Variants in NRXN3 observed in about 807,000 individuals in gnomAD.
NRXN3 encodes the protein neurexin III.
NRXN3 carries 32 observed loss-of-function variants against 137.6 expected under a neutral mutation model. The ratio of observed to expected loss-of-function variants is 0.23; its 90% CI spans 0.18 to 0.31. The LOEUF is 0.31. NRXN3 is among the 10% of genes least tolerant of loss of function. NRXN3 has a pLI of 1.00. For missense variants in NRXN3, 1,574 were observed against 2,062.5 expected, an observed-to-expected ratio of 0.76 and a Z score of 4.59; for synonymous variants, 798 against 784.5, an observed-to-expected ratio of 1.02 and a Z score of -0.29.
Position 79,063,362 on chromosome 14 carries a change from C to T in NRXN3, c.3262+75221C>T, listed in dbSNP as rs560319128. Among the ~76,000 whole-genome samples the T allele has an allele frequency of 3.3e-5, 5 of 152,300 alleles. No individual in the cohort carries two copies. The East Asian group carries it at 9.7e-4, about 29-fold the overall frequency. On this transcript the variant is annotated intron_variant, in intron 15 of 20. Transcript: ENST00000335750. Reference sequence around the variant, plus strand: ...CCAATGGCATGATCTTGGCTCACTGCAACCTCTGCCTCCCGGGTTCAAGCT... The same window carrying T: ...CCAATGGCATGATCTTGGCTCACTGTAACCTCTGCCTCCCGGGTTCAAGCT...
At chr14:78,295,649 T>G (rs2076237221) in intron 3 of NRXN3, among the ~76,000 whole-genome samples, 1 of 152,174 alleles carries the variant, frequency 6.6e-6, no homozygotes, top group Admixed American at 6.5e-5. Context: ...TTGTTTAAAA[T>G]TCAGATCTGG....
intron 15 of NRXN3, among the ~76,000 whole-genome samples, chr14:79,159,997 G>T (rs2060609856): frequency 6.6e-6 from 1 of 151,864 alleles, no homozygotes; most frequent in Non-Finnish European, 1.5e-5. Context: ...TTACTCATTG[G>T]AATGAAATGG....
At chr14:79,423,628 A>G (rs1051213636) in intron 15 of NRXN3, among the ~76,000 whole-genome samples, 5 of 152,128 alleles carry the variant, frequency 3.3e-5, no homozygotes, top group Non-Finnish European at 7.3e-5. Flanking sequence ...TTCCTTCCCC[A>G]GTGTTTGTCT....
At chr14:79,012,281 G>T (rs1018596315) in intron 15 of NRXN3, among the ~76,000 whole-genome samples, 1 of 152,112 alleles carries the variant, frequency 6.6e-6, no homozygotes, top group African/African-American at 2.4e-5. Flanking sequence ...GAAGTGAGTG[G>T]GGTGGCCTGG....
chr14:78,184,140 G>A (rs2060038153), intron 1 of NRXN3, among the ~76,000 whole-genome samples: 2 of 152,202 alleles, frequency 1.3e-5, no homozygotes, highest in South Asian at 2.1e-4. Flanking sequence ...GATAACCAAT[G>A]GGAGAATTTT....
At chr14:78,500,676 A>G (rs2095862632) in intron 4 of NRXN3, among the ~76,000 whole-genome samples, 1 of 152,182 alleles carries the variant, frequency 6.6e-6, no homozygotes, top group African/African-American at 2.4e-5. Context: ...GGGTCCTAAG[A>G]GAAGACAGCT....
intron 15 of NRXN3, among the ~76,000 whole-genome samples, chr14:79,358,667 A>AAGAAAGAAAGTG (rs1566903569): frequency 6.7e-6 from 1 of 150,136 alleles, no homozygotes; most frequent in Non-Finnish European, 1.5e-5. Flanking sequence ...GAAAGAAAGA[A>AAGAAAGAAAGTG]AGTGTCCTAA....
At chr14:78,488,131 C>A (rs2095598582) in intron 4 of NRXN3, among the ~76,000 whole-genome samples, 2 of 152,294 alleles carry the variant, frequency 1.3e-5, no homozygotes, top group South Asian at 4.2e-4. Context: ...CCCATGTGTA[C>A]ATCCCTGGTA....
At chr14:78,366,698 AT>A (rs1418648478) in intron 4 of NRXN3, among the ~76,000 whole-genome samples, 1 of 152,182 alleles carries the variant, frequency 6.6e-6, no homozygotes, top group Non-Finnish European at 1.5e-5. Context: ...GGAAACTCCC[AT>A]TCTTAAAACT....
At chr14:79,065,000 C>T (rs1176125495) in intron 15 of NRXN3, among the ~76,000 whole-genome samples, 1 of 151,808 alleles carries the variant, frequency 6.6e-6, no homozygotes, top group Non-Finnish European at 1.5e-5. Flanking sequence ...ACCAGAGCTG[C>T]TTCTCCCAAA....
At chr14:78,636,207 G>T (rs1035146129) in intron 4 of NRXN3, among the ~76,000 whole-genome samples, 4 of 152,154 alleles carry the variant, frequency 2.6e-5, no homozygotes, top group African/African-American at 9.7e-5. Context: ...GTTAGAGCAT[G>T]TGGCTTTTAC....
At chr14:79,597,948 G>T (rs1389878927) in intron 16 of NRXN3, among the ~76,000 whole-genome samples, 1 of 152,152 alleles carries the variant, frequency 6.6e-6, no homozygotes, top group African/African-American at 2.4e-5. Context: ...AACGTGAAGG[G>T]TTAAGCATTC....
At chr14:78,816,762 T>C (rs1007810574) in intron 10 of NRXN3, among the ~76,000 whole-genome samples, 1 of 152,192 alleles carries the variant, frequency 6.6e-6, no homozygotes, top group Non-Finnish European at 1.5e-5. Flanking sequence ...TACAAAGTTA[T>C]ATTTCTACCA....
At chr14:79,213,947 A>G (rs528496345) in intron 15 of NRXN3, among the ~76,000 whole-genome samples, 4 of 152,364 alleles carry the variant, frequency 2.6e-5, no homozygotes, top group Non-Finnish European at 5.9e-5. Context: ...TCAGTCATAC[A>G]GACGTGTTTT....
chr14:79,827,696 T>C (rs1427233228), intron 20 of NRXN3, among the ~76,000 whole-genome samples: 1 of 26,344 alleles, frequency 3.8e-5, no homozygotes, highest in African/African-American at 2.7e-4. Flanking sequence ...ACAAACTTTT[T>C]TTTTTTTTTT....
intron 15 of NRXN3, among the ~76,000 whole-genome samples, chr14:79,025,203 A>C (rs1345453928): frequency 1.3e-5 from 2 of 152,076 alleles, no homozygotes; most frequent in African/African-American, 4.8e-5. Context: ...TATCCTTTCA[A>C]ATCTAGACTG....
At chr14:79,249,361 G>A (rs2075638337) in intron 15 of NRXN3, among the ~76,000 whole-genome samples, 1 of 152,078 alleles carries the variant, frequency 6.6e-6, no homozygotes, top group African/African-American at 2.4e-5. Context: ...TAGCAATCAG[G>A]GTCCCAAAGG....
chr14:79,627,532 A>C (rs1176999321), intron 16 of NRXN3, among the ~76,000 whole-genome samples: 1 of 152,202 alleles, frequency 6.6e-6, no homozygotes, highest in Non-Finnish European at 1.5e-5. Context: ...CTTATTCATT[A>C]TTATTGCTTG....
At chr14:78,382,881 G>A (rs1202621279) in intron 4 of NRXN3, among the ~76,000 whole-genome samples, 3 of 152,114 alleles carry the variant, frequency 2.0e-5, no homozygotes, top group Non-Finnish European at 2.9e-5. Flanking sequence ...AGGTCTGTAC[G>A]ATCTCTCTGA....
Sources: gnomAD v4.1 joint callset for allele counts (sites outside exome capture counted in the v4.1 genomes callset) on GRCh38, gnomAD v4.1.1 for gene constraint, MANE v1.5 for transcripts, NCBI Gene and HGNC (gene_info 2026-07-23, HGNC 2026-07-21) for gene names.